Variants in FARP1 observed in about 807,000 individuals in gnomAD.
The protein encoded by FARP1 is FERM, ARHGEF and pleckstrin domain-containing protein 1.
In FARP1, 52 loss-of-function variants were observed where a neutral mutation model predicts 128.8. The observed-to-expected ratio is 0.40, with a 90% CI of 0.32 to 0.51. The LOEUF (loss-of-function observed/expected upper bound fraction) is 0.51. FARP1 is among the 20% of genes least tolerant of loss of function. The pLI, the probability that FARP1 is intolerant of heterozygous loss-of-function variation, is 0.45. For missense variants in FARP1, 1,333 were observed against 1,367.9 expected (o/e 0.97, Z 0.40); for synonymous variants, 580 against 551.8 (o/e 1.05, Z -0.72).
At chr13:98,373,282 A>G (rs1713098911) in intron 5 of FARP1, among the ~76,000 whole-genome samples, 2 of 152,160 alleles carry the variant, frequency 1.3e-5, no homozygotes, top group Admixed American at 1.3e-4. Flanking sequence ...CATGTTTGAA[A>G]TGATAAATGG....
At chr13:98,182,192 C>T (rs1237918761) in intron 1 of FARP1, among the ~76,000 whole-genome samples, 1 of 152,088 alleles carries the variant, frequency 6.6e-6, no homozygotes, top group African/African-American at 2.4e-5. Flanking sequence ...CTAATAATGC[C>T]ACAATTCCCA....
chr13:98,382,005 T>C (rs1279255624), intron 6 of FARP1, among the ~76,000 whole-genome samples: 1 of 151,730 alleles, frequency 6.6e-6, no homozygotes, highest in Non-Finnish European at 1.5e-5. Flanking sequence ...CAAAATTAGC[T>C]TGAGGCCAAG....
chr13:98,169,625 A>C (rs1594224785), intron 1 of FARP1, among the ~76,000 whole-genome samples: 1 of 152,202 alleles, frequency 6.6e-6, no homozygotes, highest in Non-Finnish European at 1.5e-5. Flanking sequence ...ATTTTACTAC[A>C]TACAGAGTTA....
At chr13:98,323,790 C>A (rs2139799305) in intron 2 of FARP1, among the ~76,000 whole-genome samples, 1 of 152,254 alleles carries the variant, frequency 6.6e-6, no homozygotes, top group Admixed American at 6.5e-5. Flanking sequence ...ATACTATTTG[C>A]AGTTAACTTT....
chr13:98,446,299 T>C (rs1355488364), intron 25 of FARP1, 94 bp downstream of exon 25: 3 of 790,496 alleles, frequency 3.8e-6, no homozygotes, highest in Non-Finnish European at 6.3e-6. Flanking sequence ...CTCAGGCCTC[T>C]TGGGCTCCAG....
intron 15 of FARP1, among the ~76,000 whole-genome samples, 189 bp downstream of exon 15, chr13:98,411,012 T>C (rs1468855492): frequency 1.3e-5 from 2 of 152,214 alleles, no homozygotes; most frequent in African/African-American, 2.4e-5. Flanking sequence ...ATAACATTTT[T>C]GATAATGATG....
chr13:98,274,974 T>C (rs1194910607), intron 2 of FARP1, among the ~76,000 whole-genome samples: 6 of 152,232 alleles, frequency 3.9e-5, no homozygotes, highest in Admixed American at 3.9e-4. Context: ...CCTAAAGTAA[T>C]ATGATTGTAT....
At chr13:98,177,651 T>G (rs1215079245) in intron 1 of FARP1, among the ~76,000 whole-genome samples, 5 of 111,974 alleles carry the variant, frequency 4.5e-5, no homozygotes, top group Non-Finnish European at 1.0e-4. Context: ...TGTCTCAAAT[T>G]AAAAAAAAAA....
intron 3 of FARP1, among the ~76,000 whole-genome samples, chr13:98,363,070 G>T (rs1164087037): frequency 6.6e-6 from 1 of 152,168 alleles, no homozygotes. Context: ...TTCTCACGCT[G>T]CCAGACTCAT....
intron 2 of FARP1, among the ~76,000 whole-genome samples, chr13:98,311,144 C>A (rs1886441284): frequency 5.3e-5 from 8 of 152,234 alleles, no homozygotes. Flanking sequence ...CTTGATTGAA[C>A]TTTCACTGTG....
intron 1 of FARP1, among the ~76,000 whole-genome samples, chr13:98,157,587 G>A (rs189010796): frequency 6.6e-6 from 1 of 152,296 alleles, no homozygotes; most frequent in African/African-American, 2.4e-5. Flanking sequence ...AACATTTACT[G>A]AACATTTGAA....
chr13:98,145,674 C>A (rs1022210510), intron 1 of FARP1, among the ~76,000 whole-genome samples: 4 of 152,210 alleles, frequency 2.6e-5, no homozygotes, highest in East Asian at 1.9e-4. Context: ...CCCAGCCTGG[C>A]TAATATGGTG....
intron 3 of FARP1, among the ~76,000 whole-genome samples, chr13:98,354,481 T>C (rs776066480): frequency 2.0e-5 from 3 of 152,208 alleles, no homozygotes; most frequent in African/African-American, 4.8e-5. Context: ...CTTTAGTTAA[T>C]TGGAGGAATT....
intron 2 of FARP1, among the ~76,000 whole-genome samples, chr13:98,214,104 G>A (rs1459642528): frequency 2.0e-5 from 3 of 152,210 alleles, no homozygotes; most frequent in Non-Finnish European, 4.4e-5. Context: ...AGCTGGAGCC[G>A]TTGGAGCCGC....
intron 1 of FARP1, among the ~76,000 whole-genome samples, chr13:98,210,840 C>T (rs537450971): frequency 2.6e-5 from 4 of 152,306 alleles, no homozygotes; most frequent in South Asian, 2.1e-4. Flanking sequence ...TGAGCCACCG[C>T]ACCCAGCCCA....
intron 16 of FARP1, among the ~76,000 whole-genome samples, chr13:98,415,167 G>A (rs1428598484): frequency 4.6e-5 from 7 of 152,162 alleles, no homozygotes; most frequent in Non-Finnish European, 1.0e-4. Context: ...AGGGTCACTG[G>A]GCTTGGGAAC....
intron 1 of FARP1, among the ~76,000 whole-genome samples, chr13:98,186,021 C>G (rs1400048540): frequency 1.3e-5 from 2 of 152,014 alleles, no homozygotes; most frequent in Non-Finnish European, 2.9e-5. Context: ...TGATCATTTT[C>G]AAGCATGCAG....
At chr13:98,267,950 A>T (rs1201262233) in intron 2 of FARP1, among the ~76,000 whole-genome samples, 3 of 149,656 alleles carry the variant, frequency 2.0e-5, no homozygotes, top group Non-Finnish European at 3.0e-5. Flanking sequence ...AAATCTTCTA[A>T]AATTGTGGTA....
At chr13:98,420,522 G>A (rs760488899) in intron 16 of FARP1, among the ~76,000 whole-genome samples, 7 of 152,204 alleles carry the variant, frequency 4.6e-5, no homozygotes, top group Non-Finnish European at 2.9e-5. Context: ...CATGACGTGT[G>A]TGGGTGTGTG....
Sources: gnomAD v4.1 joint callset for allele counts (sites outside exome capture counted in the v4.1 genomes callset) on GRCh38, gnomAD v4.1.1 for gene constraint, MANE v1.5 for transcripts, NCBI Gene and HGNC (gene_info 2026-07-23, HGNC 2026-07-21) for gene names.